Variants in CSGALNACT1 observed in about 807,000 individuals in gnomAD.
The protein encoded by CSGALNACT1 is beta4GalNAcT-1.
In CSGALNACT1, 52 loss-of-function variants were observed where a neutral mutation model predicts 51.0. That is an observed-to-expected ratio of 1.02 (90% CI 0.82 to 1.29). The LOEUF (loss-of-function observed/expected upper bound fraction) is 1.29, where lower values mean the gene tolerates loss of function less well. Ranked by LOEUF, CSGALNACT1 falls within the 50% of genes most tolerant of loss-of-function variation. CSGALNACT1 has a pLI of 0.00. For missense variants in CSGALNACT1, 935 were observed against 679.2 expected, an observed-to-expected ratio of 1.38 and a Z score of -4.19; for synonymous variants, 341 against 254.4, an observed-to-expected ratio of 1.34 and a Z score of -3.24.
intron 4 of CSGALNACT1, among the ~76,000 whole-genome samples, chr8:19,484,927 A>T (rs2153937704): frequency 6.6e-6 from 1 of 152,196 alleles, no homozygotes; most frequent in Admixed American, 6.5e-5. Flanking sequence ...CTCACTGAGG[A>T]CACAGTGAGA....
At chr8:19,692,584 A>G (rs1049271810) in intron 1 of CSGALNACT1, among the ~76,000 whole-genome samples, 1 of 152,222 alleles carries the variant, frequency 6.6e-6, no homozygotes, top group African/African-American at 2.4e-5. Context: ...ATGGCTAAAA[A>G]TGTATGTGAC....
intron 3 of CSGALNACT1, among the ~76,000 whole-genome samples, chr8:19,537,067 A>G (rs1349065683): frequency 6.6e-6 from 1 of 152,232 alleles, no homozygotes; most frequent in Admixed American, 6.5e-5. Context: ...GTTCCTAGCC[A>G]TGACAGCAAG....
At chr8:19,575,722 G>A (rs1248732945) in intron 3 of CSGALNACT1, among the ~76,000 whole-genome samples, 3 of 152,012 alleles carry the variant, frequency 2.0e-5, no homozygotes, top group African/African-American at 7.2e-5. Flanking sequence ...ATAAACAAAA[G>A]TATTTACGTG....
intron 5 of CSGALNACT1, among the ~76,000 whole-genome samples, chr8:19,447,529 A>T (rs2062350267): frequency 6.6e-6 from 1 of 152,186 alleles, no homozygotes; most frequent in African/African-American, 2.4e-5. Context: ...CACTGCTAAC[A>T]GTTTAGACCC....
At chr8:19,500,855 A>C (rs2076290817) in intron 4 of CSGALNACT1, among the ~76,000 whole-genome samples, 1 of 152,176 alleles carries the variant, frequency 6.6e-6, no homozygotes, top group African/African-American at 2.4e-5. Context: ...ACAATTACGG[A>C]GGCCGGGAAG....
At chr8:19,606,237 A>G (rs908532589), upstream of CSGALNACT1, among the ~76,000 whole-genome samples, 3 of 152,222 alleles carry the variant, frequency 2.0e-5, no homozygotes, top group Non-Finnish European at 4.4e-5. Context: ...TTCTTTGTGC[A>G]TATGTGGCTA....
chr8:19,644,137 T>C (rs1164594221), intron 1 of CSGALNACT1, among the ~76,000 whole-genome samples: 1 of 152,184 alleles, frequency 6.6e-6, no homozygotes, highest in African/African-American at 2.4e-5. Context: ...AAATTTGTGA[T>C]ATATGTTAAT....
intron 1 of CSGALNACT1, among the ~76,000 whole-genome samples, chr8:19,737,333 A>G (rs2064043316): frequency 6.6e-6 from 1 of 152,198 alleles, no homozygotes. Context: ...AAATGGGGTT[A>G]AACCCAAATG....
At chr8:19,451,766 T>C (rs938166152) in intron 5 of CSGALNACT1, among the ~76,000 whole-genome samples, 46 of 152,326 alleles carry the variant, frequency 3.0e-4, no homozygotes, top group Non-Finnish European at 4.9e-4. Context: ...AAGTCTTTTC[T>C]AGGTAAATAA....
chr8:19,737,110 A>G (rs933599613), intron 1 of CSGALNACT1, among the ~76,000 whole-genome samples: 1 of 152,218 alleles, frequency 6.6e-6, no homozygotes, highest in African/African-American at 2.4e-5. Flanking sequence ...CTGAAAGTTA[A>G]TAACTTCCAA....
intron 1 of CSGALNACT1, among the ~76,000 whole-genome samples, chr8:19,654,834 C>A (rs1432288592): frequency 1.3e-5 from 2 of 152,136 alleles, no homozygotes; most frequent in African/African-American, 4.8e-5. Context: ...GCATGAGCCA[C>A]TGTGCCCAGC....
intron 3 of CSGALNACT1, among the ~76,000 whole-genome samples, chr8:19,525,615 CAAAAAAAAAAAAAAAAAA>C (rs34787475): frequency 9.3e-4 from 19 of 20,390 alleles, no homozygotes; most frequent in East Asian, 2.1e-3. Context: ...AAACTTGTCC[CAAAAAAAAAAAAAAAAAA>C]AAAAAAAAAA....
chr8:19,505,787 C>A (rs1471030220), exon 4 of CSGALNACT1: 1 of 1,613,716 alleles, frequency 6.2e-7, no homozygotes, highest in African/African-American at 1.3e-5. Flanking sequence ...CCAGCAAAAC[C>A]ACCACCCGGG....
chr8:19,586,944 T>TA (rs1250161316), intron 3 of CSGALNACT1, among the ~76,000 whole-genome samples: 1 of 152,230 alleles, frequency 6.6e-6, no homozygotes, highest in East Asian at 1.9e-4. Flanking sequence ...ACAACTCTAG[T>TA]AATCTCCAGG....
intron 1 of CSGALNACT1, among the ~76,000 whole-genome samples, chr8:19,636,483 C>T (rs557690600): frequency 8.5e-5 from 13 of 152,166 alleles, no homozygotes; most frequent in Non-Finnish European, 1.9e-4. Flanking sequence ...ATCAGCACCA[C>T]TTTATATAAT....
intron 4 of CSGALNACT1, among the ~76,000 whole-genome samples, chr8:19,490,499 G>A (rs1281412547): frequency 6.6e-6 from 1 of 152,188 alleles, no homozygotes; most frequent in Non-Finnish European, 1.5e-5. Flanking sequence ...CACCAGGAAA[G>A]GGACTCTGAC....
At chr8:19,602,392 G>A (rs561713175) in exon 1 of CSGALNACT1, 2 of 152,940 alleles carry the variant, frequency 1.3e-5, no homozygotes, top group Non-Finnish European at 2.9e-5. Context: ...GAGAAGGTAA[G>A]AGCGCACACG....
intron 8 of CSGALNACT1, among the ~76,000 whole-genome samples, chr8:19,417,256 T>G (rs1304207805): frequency 6.6e-6 from 1 of 152,170 alleles, no homozygotes; most frequent in Non-Finnish European, 1.5e-5. Flanking sequence ...TCTGTGGTAT[T>G]GCAATTCCAC....
intron 4 of CSGALNACT1, among the ~76,000 whole-genome samples, chr8:19,493,068 AAAAC>A (rs202105781): frequency 5.5e-4 from 83 of 152,102 alleles, no homozygotes; most frequent in African/African-American, 1.9e-3. Flanking sequence ...AAAAAAAAAA[AAAAC>A]ATCTGTAAAT....
Sources: allele counts gnomAD v4.1 joint callset (sites outside exome capture counted in the v4.1 genomes callset), GRCh38; gene constraint gnomAD v4.1.1; transcripts MANE v1.5; gene names NCBI Gene and HGNC (gene_info 2026-07-23, HGNC 2026-07-21).